TTC39B: variants seen among roughly 807,000 people sequenced by gnomAD.
TTC39B encodes the protein tetratricopeptide repeat protein 39B.
Under a neutral mutation model 96.6 loss-of-function variants are expected in TTC39B, and 92 were observed. The ratio of observed to expected loss-of-function variants is 0.95; its 90% CI spans 0.80 to 1.13. TTC39B has a LOEUF of 1.13. Ranked by LOEUF, TTC39B falls within the 50% of genes most tolerant of loss-of-function variation. The pLI is 0.00. For synonymous variants in TTC39B, 367 were observed against 299.4 expected (o/e 1.23, Z -2.33); for missense variants, 955 against 809.3 (o/e 1.18, Z -2.18).
rs577742741 is a variant in TTC39B, at chr9:15,203,207, G to T, written c.759+616C>A. Among the ~76,000 whole-genome samples the T allele has an allele frequency of 5.3e-5, 8 of 152,250 alleles. No individual in the cohort carries two copies. The South Asian group carries it at 6.2e-4, about 12-fold the overall frequency. On this transcript the variant is annotated intron_variant, in intron 7 of 19. Coordinates refer to ENST00000512701, the Ensembl canonical transcript of TTC39B. ...ATACTCTCCCGGTTTCCACACAGAT[G>T]CATCTTAAAATTAGATGTGACGGTT...
intron 3 of TTC39B, 31 bp downstream of exon 3, chr9:15,225,886 T>G: frequency 6.3e-7 from 1 of 1,596,858 alleles, no homozygotes; most frequent in Non-Finnish European, 8.6e-7. Flanking sequence ...CCTCCCCTCT[T>G]CCCCCAGGAA....
chr9:15,283,971 G>C (rs1160497694), intron 1 of TTC39B, among the ~76,000 whole-genome samples: 1 of 152,090 alleles, frequency 6.6e-6, no homozygotes, highest in Non-Finnish European at 1.5e-5. Flanking sequence ...AAGAGTAAAA[G>C]ATTTTGCTAC....
chr9:15,287,396 A>G (rs184611712), intron 1 of TTC39B, among the ~76,000 whole-genome samples: 1 of 152,352 alleles, frequency 6.6e-6, no homozygotes, highest in Admixed American at 6.5e-5. Context: ...GGTCAGTCGT[A>G]ACAGAGTTAC....
intron 1 of TTC39B, among the ~76,000 whole-genome samples, chr9:15,286,304 T>G (rs1823972549): frequency 6.6e-6 from 1 of 152,236 alleles, no homozygotes; most frequent in Admixed American, 6.5e-5. Flanking sequence ...TTCACAGCCC[T>G]TATGTTTTAT....
intron 6 of TTC39B, among the ~76,000 whole-genome samples, chr9:15,209,172 T>C (rs1429354478): frequency 2.0e-5 from 3 of 152,160 alleles, no homozygotes; most frequent in African/African-American, 7.2e-5. Context: ...CTTTTTTTTT[T>C]CCTTCTACAG....
chr9:15,201,255 T>C (rs928786057), intron 7 of TTC39B, among the ~76,000 whole-genome samples: 2 of 150,330 alleles, frequency 1.3e-5, no homozygotes, highest in African/African-American at 2.4e-5. Context: ...GCTTGAAATA[T>C]ACCTCAAAAA....
intron 2 of TTC39B, among the ~76,000 whole-genome samples, chr9:15,259,945 T>C (rs1586971503): frequency 6.6e-6 from 1 of 152,150 alleles, no homozygotes; most frequent in Non-Finnish European, 1.5e-5. Flanking sequence ...AGAGTGGGAA[T>C]AGATAATGAC....
chr9:15,203,683 G>C lies in TTC39B; in HGVS notation c.759+140C>G, dbSNP rs1360133576. 18 of 642,066 alleles carry C rather than the reference G, an allele frequency of 2.8e-5. No homozygotes were observed. The East Asian group carries it at 4.8e-4, about 17-fold the overall frequency. 39.8% of individuals were successfully genotyped at this position (642,066 alleles called of 1,614,324 possible). On this transcript the variant is annotated intron_variant, in intron 7 of 19. Transcript: ENST00000512701. ...TCTCTAGCATCTTTTTTCAGCCAAA[G>C]TTTATCAGAATAACAAATATTTGCC...
chr9:15,282,882 T>A (rs1312956982), intron 1 of TTC39B, among the ~76,000 whole-genome samples: 1 of 152,236 alleles, frequency 6.6e-6, no homozygotes, highest in African/African-American at 2.4e-5. Flanking sequence ...TTTAAAATGA[T>A]GTTTGAGAAG....
chr9:15,216,632 C>G (rs1328823277), intron 3 of TTC39B, among the ~76,000 whole-genome samples: 1 of 152,196 alleles, frequency 6.6e-6, no homozygotes, highest in African/African-American at 2.4e-5. Flanking sequence ...CTCTACCGTC[C>G]AGTCCAGGTT....
exon 5 of TTC39B, chr9:15,211,270 G>C (rs377450367): frequency 6.5e-7 from 1 of 1,540,004 alleles, no homozygotes; most frequent in Admixed American, 2.2e-5. Context: ...TCATACTTTT[G>C]GCAGGTTTGT....
intron 6 of TTC39B, among the ~76,000 whole-genome samples, chr9:15,208,641 A>T (rs189015455): frequency 6.6e-6 from 1 of 152,346 alleles, no homozygotes; most frequent in East Asian, 1.9e-4. Context: ...GGATAAATAC[A>T]TTCTTACAAA....
chr9:15,227,045 G>A (rs559071946), intron 2 of TTC39B, among the ~76,000 whole-genome samples: 265 of 152,108 alleles, frequency 1.7e-3, no homozygotes, highest in Middle Eastern at 3.4e-3. Flanking sequence ...AGTGGCTCAC[G>A]CCTGTAATCT....
exon 20 of TTC39B, chr9:15,166,875 G>A (rs919456056): frequency 6.7e-6 from 1 of 148,752 alleles, no homozygotes; most frequent in Non-Finnish European, 1.5e-5. Flanking sequence ...AATATCTGAA[G>A]AGATTTAAAA....
At chr9:15,189,943 A>G in intron 11 of TTC39B, 151 bp from the exon 12 acceptor site, 1 of 636,016 alleles carries the variant, frequency 1.6e-6, no homozygotes, top group Non-Finnish European at 2.8e-6. Flanking sequence ...GGAATAAAAT[A>G]AAGACCAGTC....
At chr9:15,182,330 G>C in exon 17 of TTC39B, 1 of 1,610,832 alleles carries the variant, frequency 6.2e-7, no homozygotes, top group Non-Finnish European at 8.5e-7. Flanking sequence ...AGCTGCCTCA[G>C]CTTTTTCAAC....
At position 15,209,672 on chromosome 9, in the gene TTC39B, T is replaced by A. The variant is rs560924673; in HGVS notation, c.691+416A>T. 2.1e-4 allele frequency among the ~76,000 whole-genome samples: 32 copies of A among 152,278 alleles called. No individual in the cohort carries two copies. In the South Asian group the frequency reaches 4.8e-3, roughly 23 times the overall value. Reference sequence around the variant, plus strand: ...TATAAGGATTCTAGGACACCATTATTCATATCAGTGAAAAAATAAAAACCA... The same window carrying A: ...TATAAGGATTCTAGGACACCATTATACATATCAGTGAAAAAATAAAAACCA... On this transcript the variant is annotated intron_variant, in intron 6 of 19. Transcript: ENST00000512701.
At chr9:15,283,751 G>C (rs888663416) in intron 1 of TTC39B, among the ~76,000 whole-genome samples, 2 of 152,260 alleles carry the variant, frequency 1.3e-5, no homozygotes, top group East Asian at 3.9e-4. Context: ...TTATTATTCA[G>C]TTACGATTTT....
chr9:15,217,228 T>C (rs1820571421), intron 3 of TTC39B, among the ~76,000 whole-genome samples: 1 of 152,212 alleles, frequency 6.6e-6, no homozygotes, highest in Non-Finnish European at 1.5e-5. Flanking sequence ...TTTCTCAACA[T>C]CCGTTCCCTT....
Sources: allele counts gnomAD v4.1 joint callset (sites outside exome capture counted in the v4.1 genomes callset), GRCh38; gene constraint gnomAD v4.1.1; transcripts MANE v1.5; gene names NCBI Gene and HGNC (gene_info 2026-07-23, HGNC 2026-07-21).